The following FHIT variants were observed in gnomAD, a reference collection of about 807,000 sequenced individuals.
FHIT encodes the protein fragile histidine triad diadenosine triphosphatase, also known as bis(5'-adenosyl)-triphosphatase.
FHIT carries 19 observed loss-of-function variants against 17.9 expected under a neutral mutation model. That is an observed-to-expected ratio of 1.06 (90% CI 0.74 to 1.56). The LOEUF (loss-of-function observed/expected upper bound fraction) is 1.56. FHIT is among the 40% of genes most tolerant of loss of function. FHIT has a pLI of 0.00. For synonymous variants in FHIT, 81 were observed against 69.7 expected, an observed-to-expected ratio of 1.16 and a Z score of -0.81; for missense variants, 248 against 189.2, an observed-to-expected ratio of 1.31 and a Z score of -1.82.
intron 8 of FHIT, among the ~76,000 whole-genome samples, chr3:59,788,432 T>C (rs984472739): frequency 4.6e-5 from 7 of 152,154 alleles, no homozygotes; most frequent in Admixed American, 4.6e-4. Context: ...CTTTTAGGTC[T>C]TCAGACTGGC....
intron 5 of FHIT, among the ~76,000 whole-genome samples, chr3:60,089,544 T>G (rs1474525): frequency 0.081 from 12,300 of 152,170 alleles, 1,438 homozygotes; most frequent in East Asian, 0.51. Context: ...TTCTGGGTTA[T>G]GAACCTAAAT....
intron 2 of FHIT, among the ~76,000 whole-genome samples, chr3:61,186,862 C>T (rs563501199): frequency 6.6e-6 from 1 of 152,308 alleles, no homozygotes; most frequent in South Asian, 2.1e-4. Flanking sequence ...CTGAATCCCT[C>T]CTCCTGTCCT....
At position 60,959,788 on chromosome 3, in the gene FHIT, G is replaced by A. The variant is rs373526923; in HGVS notation, c.-111+82259C>T. Among the ~76,000 whole-genome samples, 10 of 151,432 alleles carry A rather than the reference G, an allele frequency of 6.6e-5. No homozygotes were observed. In the South Asian group the frequency reaches 2.1e-3, roughly 32 times the overall value. ...CCAGGTGAGCAAGATGGGAGAATCA[G>A]GAGAGGCTTTTTCTTTTTTTTTTTT... is the stretch of plus-strand genomic sequence containing the variant. On this transcript the variant is annotated intron_variant, in intron 3 of 9. Coordinates refer to ENST00000492590, the MANE Select transcript of FHIT (RefSeq NM_002012.4).
intron 8 of FHIT, among the ~76,000 whole-genome samples, chr3:59,895,457 A>G (rs1159246700): frequency 6.6e-6 from 1 of 152,210 alleles, no homozygotes; most frequent in Non-Finnish European, 1.5e-5. Flanking sequence ...GTCAGAAAGC[A>G]AGGTGAACAG....
chr3:60,029,899 G>GTGTGTGTGTTTGTGTC (rs760392249), intron 5 of FHIT, among the ~76,000 whole-genome samples: 1 of 123,204 alleles, frequency 8.1e-6, no homozygotes, highest in Non-Finnish European at 1.8e-5. Flanking sequence ...GTGTGTGTCT[G>GTGTGTGTGTTTGTGTC]TGTGTGTGTG....
intron 4 of FHIT, among the ~76,000 whole-genome samples, chr3:60,653,760 A>AT (rs1411389023): frequency 6.6e-6 from 1 of 152,152 alleles, no homozygotes; most frequent in African/African-American, 2.4e-5. Context: ...AGGAAAAAGG[A>AT]TTTTCAACAG....
chr3:60,008,788 G>T (rs547058497), intron 7 of FHIT, among the ~76,000 whole-genome samples: 2 of 152,330 alleles, frequency 1.3e-5, no homozygotes, highest in African/African-American at 2.4e-5. Flanking sequence ...ATTCACAACT[G>T]GACAGCTGAA....
Position 60,268,732 on chromosome 3 carries a change from C to T in FHIT, c.104-254580G>A, listed in dbSNP as rs1706713487. Among the ~76,000 whole-genome samples the T allele has an allele frequency of 3.3e-5, 5 of 152,280 alleles. No homozygotes were observed. The South Asian group carries it at 1.0e-3, about 32-fold the overall frequency. On this transcript the variant is annotated intron_variant, in intron 5 of 9. Coordinates refer to ENST00000492590, the MANE Select transcript of FHIT (RefSeq NM_002012.4). Reference sequence around the variant, plus strand: ...AGAATCCTGGCCACCTATAGATGTCCATGTCCTAATACTCAGAACCTCTGA... The same window carrying T: ...AGAATCCTGGCCACCTATAGATGTCTATGTCCTAATACTCAGAACCTCTGA...
In FHIT at chr3:60,360,832, T is replaced by C. The variant is rs112993414; in HGVS notation, c.103+176028A>G. Among the ~76,000 whole-genome samples, 746 of 152,298 alleles carry C rather than the reference T, an allele frequency of 4.9e-3. 6 individuals carry two copies. The highest frequency in any genetic ancestry group is 8.9e-3 in the South Asian group (43 of 4,824). On this transcript the variant is annotated intron_variant, in intron 5 of 9. Transcript: ENST00000492590. ...TTGGAATGTCTGACTGATAGCTGCC[T>C]CAACTTCACCTTCAAAACAAATGTC... is the stretch of plus-strand genomic sequence containing the variant.
chr3:60,610,427 T>C (rs1192817983), intron 4 of FHIT, among the ~76,000 whole-genome samples: 2 of 152,204 alleles, frequency 1.3e-5, no homozygotes, highest in Non-Finnish European at 2.9e-5. Context: ...ACCCTGAATG[T>C]AGTTTCATGC....
At chr3:60,496,658 A>G (rs1245678767) in intron 5 of FHIT, among the ~76,000 whole-genome samples, 1 of 152,196 alleles carries the variant, frequency 6.6e-6, no homozygotes, top group African/African-American at 2.4e-5. Context: ...AGAGAGACTC[A>G]CCAGTACACT....
intron 5 of FHIT, among the ~76,000 whole-genome samples, chr3:60,455,592 G>A (rs2032040008): frequency 6.6e-6 from 1 of 152,038 alleles, no homozygotes; most frequent in Non-Finnish European, 1.5e-5. Flanking sequence ...TAATTATTAT[G>A]GATATTATCA....
At chr3:60,289,216 C>G (rs1707867806) in intron 5 of FHIT, among the ~76,000 whole-genome samples, 1 of 152,210 alleles carries the variant, frequency 6.6e-6, no homozygotes, top group African/African-American at 2.4e-5. Context: ...CTACTGTACA[C>G]AGGAACATCT....
intron 8 of FHIT, among the ~76,000 whole-genome samples, chr3:59,780,057 T>A (rs1702506597): frequency 1.3e-5 from 2 of 152,188 alleles, no homozygotes; most frequent in African/African-American, 2.4e-5. Context: ...CCTCTTCCCA[T>A]AGAAATGGAC....
At chr3:60,570,959 A>T (rs1254276096) in intron 4 of FHIT, among the ~76,000 whole-genome samples, 1 of 152,016 alleles carries the variant, frequency 6.6e-6, no homozygotes, top group Non-Finnish European at 1.5e-5. Flanking sequence ...TCTATAAGGG[A>T]CATTGTAAGA....
intron 5 of FHIT, among the ~76,000 whole-genome samples, chr3:60,257,437 T>C (rs1407609552): frequency 1.3e-5 from 2 of 152,168 alleles, no homozygotes; most frequent in South Asian, 2.1e-4. Context: ...ACTCCGTGGG[T>C]GCCACACATT....
chr3:60,889,084 C>G (rs115387698), intron 3 of FHIT, among the ~76,000 whole-genome samples: 3 of 152,180 alleles, frequency 2.0e-5, no homozygotes, highest in Non-Finnish European at 2.9e-5. Context: ...CAACTCATTC[C>G]GATCACCTAC....
chr3:60,736,947 G>T (rs1400188633), intron 4 of FHIT, among the ~76,000 whole-genome samples: 1 of 152,090 alleles, frequency 6.6e-6, no homozygotes, highest in Non-Finnish European at 1.5e-5. Flanking sequence ...AAATGCAAAG[G>T]CCTATTGTTT....
chr3:60,490,348 T>C (rs1324103659), intron 5 of FHIT, among the ~76,000 whole-genome samples: 1 of 152,148 alleles, frequency 6.6e-6, no homozygotes, highest in Non-Finnish European at 1.5e-5. Flanking sequence ...ATGGGTTCTG[T>C]GCACATCTGT....
Sources: allele counts gnomAD v4.1 joint callset (sites outside exome capture counted in the v4.1 genomes callset), GRCh38; gene constraint gnomAD v4.1.1; transcripts MANE v1.5; gene names NCBI Gene and HGNC (gene_info 2026-07-23, HGNC 2026-07-21).